Variants in B3GALT1 observed in about 807,000 individuals in gnomAD.
B3GALT1 encodes the protein UDP-Gal:betaGlcNAc beta 1,3-galactosyltransferase, polypeptide 1.
Under a neutral mutation model 23.2 loss-of-function variants are expected in B3GALT1, and 10 were observed. That is an observed-to-expected ratio of 0.43 (90% CI 0.27 to 0.73). B3GALT1 has a LOEUF of 0.73. B3GALT1 is among the 30% of genes least tolerant of loss of function. B3GALT1 has a pLI of 0.21. For synonymous variants in B3GALT1, 156 were observed against 141.5 expected (o/e 1.10, Z -0.73); for missense variants, 299 against 405.4 (o/e 0.74, Z 2.25).
intron 3 of B3GALT1, among the ~76,000 whole-genome samples, chr2:167,692,117 G>T (rs1686724231): frequency 6.6e-6 from 1 of 152,144 alleles, no homozygotes; most frequent in South Asian, 2.1e-4. Context: ...TGTAAGATGT[G>T]TATGTTGGTC....
At position 167,378,055 on chromosome 2, in the gene B3GALT1, G is replaced by T. The variant is rs113287026; in HGVS notation, c.-511+84721G>T. Among the ~76,000 whole-genome samples the T allele has an allele frequency of 5.3e-3, 811 of 152,234 alleles. 10 individuals carry two copies. The highest frequency in any genetic ancestry group is 0.019 in the African/African-American group (782 of 41,558). On this transcript the variant is annotated intron_variant, in intron 1 of 4. Coordinates refer to ENST00000392690, the MANE Select transcript of B3GALT1 (RefSeq NM_020981.4). ...GTTAGCACTTGCTTGACTGGAAAAAGATTTTATTTCTCCTTCACTTATGAT... is the reference window on the plus strand; with the variant it reads ...GTTAGCACTTGCTTGACTGGAAAAATATTTTATTTCTCCTTCACTTATGAT...
intron 1 of B3GALT1, among the ~76,000 whole-genome samples, chr2:167,356,779 AATAT>A (rs1172152051): frequency 6.6e-6 from 1 of 151,860 alleles, no homozygotes; most frequent in Non-Finnish European, 1.5e-5. Context: ...ATAGTTATTA[AATAT>A]ATATAGTAAT....
At chr2:167,331,832 A>G (rs908086713) in intron 1 of B3GALT1, among the ~76,000 whole-genome samples, 7 of 152,266 alleles carry the variant, frequency 4.6e-5, no homozygotes, top group African/African-American at 1.7e-4. Context: ...TGAGGAAGGC[A>G]GAGTTGCTTT....
intron 2 of B3GALT1, among the ~76,000 whole-genome samples, chr2:167,643,010 A>G (rs1685683560): frequency 6.6e-6 from 1 of 152,310 alleles, no homozygotes; most frequent in East Asian, 1.9e-4. Context: ...GTAAGGATGT[A>G]AAGAACCTGC....
At chr2:167,833,488 T>C (rs1689393021) in intron 4 of B3GALT1, among the ~76,000 whole-genome samples, 1 of 152,188 alleles carries the variant, frequency 6.6e-6, no homozygotes. Flanking sequence ...CCAAAGATGT[T>C]TCAGTGATAA....
At position 167,524,499 on chromosome 2, in the gene B3GALT1, G is replaced by A. The variant is rs944462127; in HGVS notation, c.-410+34222G>A. Among the ~76,000 whole-genome samples the A allele has an allele frequency of 3.9e-5, 6 of 152,080 alleles. No homozygotes were observed. In the East Asian group the frequency reaches 7.7e-4, roughly 20 times the overall value. ...TTTAGGCTGTTAAAAACCTCTGAAT[G>A]TTTTGTAAAAATGTCAACTCAATTG... On this transcript the variant is annotated intron_variant, in intron 2 of 4. Coordinates refer to ENST00000392690, the MANE Select transcript of B3GALT1 (RefSeq NM_020981.4).
intron 2 of B3GALT1, among the ~76,000 whole-genome samples, chr2:167,621,960 A>T (rs1685268000): frequency 6.6e-6 from 1 of 152,136 alleles, no homozygotes; most frequent in African/African-American, 2.4e-5. Flanking sequence ...TTTCCTTTAT[A>T]AATTACCCAG....
chr2:167,865,531 C>G (rs1302434453), intron 4 of B3GALT1, among the ~76,000 whole-genome samples: 1 of 152,210 alleles, frequency 6.6e-6, no homozygotes, highest in Non-Finnish European at 1.5e-5. Context: ...GTGGCTCACG[C>G]CTGTAATCCC....
intron 1 of B3GALT1, among the ~76,000 whole-genome samples, chr2:167,408,180 A>G (rs1274268423): frequency 6.6e-6 from 1 of 152,152 alleles, no homozygotes; most frequent in Non-Finnish European, 1.5e-5. Context: ...TCATCATAAC[A>G]AAGAGGGATT....
chr2:167,773,272 T>C (rs1041225543), intron 3 of B3GALT1, among the ~76,000 whole-genome samples: 2 of 152,136 alleles, frequency 1.3e-5, no homozygotes, highest in African/African-American at 4.8e-5. Flanking sequence ...AAAATGCAAA[T>C]ATGTATTGTG....
intron 1 of B3GALT1, among the ~76,000 whole-genome samples, chr2:167,421,279 G>A (rs993818617): frequency 6.6e-6 from 1 of 152,120 alleles, no homozygotes; most frequent in Non-Finnish European, 1.5e-5. Flanking sequence ...ACCAAAAGTG[G>A]ATATTGGCTG....
intron 2 of B3GALT1, among the ~76,000 whole-genome samples, chr2:167,534,663 C>T (rs1472784037): frequency 2.6e-5 from 4 of 152,084 alleles, no homozygotes; most frequent in Non-Finnish European, 4.4e-5. Flanking sequence ...ACCATAAGAA[C>T]CTTTAATTTC....
chr2:167,417,687 A>G (rs191616737), intron 1 of B3GALT1, among the ~76,000 whole-genome samples: 32 of 152,320 alleles, frequency 2.1e-4, no homozygotes, highest in Admixed American at 1.6e-3. Context: ...GGCTTTAGGA[A>G]TAAGGGTTAG....
chr2:167,839,355 A>G (rs1170952346), intron 4 of B3GALT1, among the ~76,000 whole-genome samples: 4 of 152,190 alleles, frequency 2.6e-5, no homozygotes, highest in Admixed American at 6.5e-5. Flanking sequence ...TCAATGTACA[A>G]AAATCACAAG....
In B3GALT1 at chr2:167,513,401, C is replaced by T. The variant is rs114352244; in HGVS notation, c.-410+23124C>T. The stretch of plus-strand genomic sequence containing the variant: ...ATAGAGACATACAAAGGACAACAAA[C>T]GCAAGTGTAGGCCATTTTGCTTTAA... On this transcript the variant is annotated intron_variant, in intron 2 of 4. Transcript: ENST00000392690. Among the ~76,000 whole-genome samples, 1,203 of 152,198 alleles carry T rather than the reference C, an allele frequency of 7.9e-3. 9 individuals carry two copies. Among genetic ancestry groups the T allele is most frequent in the Non-Finnish European group, 0.013 (856 of 68,008 alleles).
chr2:167,756,045 C>T (rs1687810732), intron 3 of B3GALT1, among the ~76,000 whole-genome samples: 1 of 152,016 alleles, frequency 6.6e-6, no homozygotes, highest in African/African-American at 2.4e-5. Context: ...AAATGGGAGG[C>T]AGTGTAGCAT....
chr2:167,376,274 A>C (rs1006923884), intron 1 of B3GALT1, among the ~76,000 whole-genome samples: 1 of 152,064 alleles, frequency 6.6e-6, no homozygotes, highest in African/African-American at 2.4e-5. Context: ...TCTTGTGGCT[A>C]TGTTCATTAG....
intron 4 of B3GALT1, among the ~76,000 whole-genome samples, chr2:167,864,318 C>G (rs973889755): frequency 2.0e-5 from 3 of 152,250 alleles, no homozygotes; most frequent in Admixed American, 2.0e-4. Context: ...TTTGGATGGC[C>G]AAGGCCAGAG....
At chr2:167,602,239 A>C (rs920220511) in intron 2 of B3GALT1, among the ~76,000 whole-genome samples, 2 of 152,188 alleles carry the variant, frequency 1.3e-5, no homozygotes, top group East Asian at 1.9e-4. Context: ...ATAGCAGGCA[A>C]ATTGGAGAAA....
Sources: allele counts gnomAD v4.1 joint callset (sites outside exome capture counted in the v4.1 genomes callset), GRCh38; gene constraint gnomAD v4.1.1; transcripts MANE v1.5; gene names NCBI Gene and HGNC (gene_info 2026-07-23, HGNC 2026-07-21).